ELL: variants seen among roughly 807,000 people sequenced by gnomAD.
ELL encodes elongation factor for RNA polymerase II, also known as RNA polymerase II elongation factor ELL.
Under a neutral mutation model 64.0 loss-of-function variants are expected in ELL, and 18 were observed. The ratio of observed to expected loss-of-function variants is 0.28; its 90% CI spans 0.19 to 0.42. ELL has a LOEUF of 0.42. ELL is among the 10% of genes least tolerant of loss of function. The probability of loss-of-function intolerance (pLI) is 1.00; values close to 1 mark genes in which losing one functional copy is unlikely to be tolerated. For missense variants in ELL, 797 were observed against 870.4 expected (o/e 0.92, Z 1.06); for synonymous variants, 399 against 376.2 (o/e 1.06, Z -0.70).
chr19:18,497,788 C>T (rs931606907), intron 1 of ELL, among the ~76,000 whole-genome samples: 3 of 136,842 alleles, frequency 2.2e-5, no homozygotes, highest in African/African-American at 8.7e-5. Flanking sequence ...CTGACTCCAG[C>T]CTAGGCAAAA....
chr19:18,516,428 A>AT (rs1383877571), intron 1 of ELL, among the ~76,000 whole-genome samples: 1 of 152,064 alleles, frequency 6.6e-6, no homozygotes, highest in Non-Finnish European at 1.5e-5. Context: ...CCTCACCATC[A>AT]TTAACGTTGA....
chr19:18,479,477 G>A (rs188926467), intron 1 of ELL, among the ~76,000 whole-genome samples: 3 of 152,282 alleles, frequency 2.0e-5, no homozygotes, highest in Non-Finnish European at 4.4e-5. Context: ...GGGAGGCTGA[G>A]GCAGGTGGAC....
chr19:18,459,834 G>A (rs1422530105), intron 5 of ELL, among the ~76,000 whole-genome samples: 1 of 152,162 alleles, frequency 6.6e-6, no homozygotes, highest in Non-Finnish European at 1.5e-5. Context: ...CCCATGGGGA[G>A]CATTTTTAAC....
At chr19:18,445,417 G>T (rs1472939541) in intron 10 of ELL, 149 bp from the exon 11 acceptor site, 1 of 806,520 alleles carries the variant, frequency 1.2e-6, no homozygotes, top group Non-Finnish European at 2.1e-6. Flanking sequence ...GGGGCCCACA[G>T]CGGCTGTAGC....
Position 18,456,058 on chromosome 19 carries a change from T to C in ELL, c.869+2147A>G, listed in dbSNP as rs535203542. ...GTTGCTGTGAGCCGAGATCGCGCCA[T>C]TGCACTCCAGCCTGGGCAACAAGAG... On this transcript the variant is annotated intron_variant, in intron 6 of 11. Coordinates refer to ENST00000262809, the MANE Select transcript of ELL (RefSeq NM_006532.4). Among the ~76,000 whole-genome samples, 9 of 150,986 alleles carry C rather than the reference T, an allele frequency of 6.0e-5. No homozygotes were observed. The South Asian group carries it at 8.4e-4, about 14-fold the overall frequency.
intron 6 of ELL, among the ~76,000 whole-genome samples, chr19:18,455,349 G>T (rs987993800): frequency 6.6e-6 from 1 of 151,052 alleles, no homozygotes; most frequent in African/African-American, 2.4e-5. Context: ...AAATTAGCCA[G>T]GCGTGGTGGC....
chr19:18,467,969 C>T (rs1405134640), intron 2 of ELL, among the ~76,000 whole-genome samples: 1 of 146,460 alleles, frequency 6.8e-6, no homozygotes, highest in African/African-American at 2.5e-5. Flanking sequence ...ATACAACCAC[C>T]CCGACAGCAC....
Position 18,443,294 on chromosome 19 carries a change from G to C in ELL, c.*1458C>G, listed in dbSNP as rs1305591338. 4.3e-6 allele frequency: 1 copy of C among 233,196 alleles called. No individual in the cohort carries two copies. The highest frequency in any genetic ancestry group is 8.5e-6 in the Non-Finnish European group (1 of 117,894). The allele number at this position is 233,196 out of a possible 1,614,324, so 14.4% of individuals were successfully genotyped here. On this transcript the variant is annotated 3_prime_UTR_variant, in exon 12 of 12. Transcript: ENST00000262809. ...GGGAACCCGGGGGTCCCAAAGGAGA[G>C]AGACTCTCGGGCAGGGGTGGGATAC... is the stretch of plus-strand genomic sequence containing the variant.
rs1245295345 is a variant in ELL at position 18,444,631 on chromosome 19, T to A, written c.*121A>T. Reference sequence around the variant, plus strand: ...GGCCAGACGTCTGCAGGGGCTGCCCTGAAAGCCGGCGGTGCTGGCTCAGAT... The same window carrying A: ...GGCCAGACGTCTGCAGGGGCTGCCCAGAAAGCCGGCGGTGCTGGCTCAGAT... On this transcript the variant is annotated 3_prime_UTR_variant, in exon 12 of 12. Transcript: ENST00000262809. 2 of 1,155,062 alleles carry A rather than the reference T, an allele frequency of 1.7e-6. No individual in the cohort carries two copies. Among genetic ancestry groups the A allele is most frequent in the African/African-American group, 1.6e-5 (1 of 64,216 alleles). The allele number at this position is 1,155,062 out of a possible 1,614,324, so 71.6% of individuals were successfully genotyped here.
At chr19:18,520,860 C>A (rs1321925203) in intron 1 of ELL, among the ~76,000 whole-genome samples, 5 of 151,920 alleles carry the variant, frequency 3.3e-5, no homozygotes, top group Non-Finnish European at 7.4e-5. Context: ...GGTTCCTAAA[C>A]CACTTCCCCT....
rs1974723152 is a variant in ELL at position 18,458,230 on chromosome 19, G to C, written c.844C>G (p.Gln282Glu). The change falls in exon 6 of 12, where the codon CAG becomes GAG. Residue 282 changes from glutamine (Q) to glutamate (E), a missense_variant. Gln to Glu is a conservative substitution (Grantham distance 29). Transcript: ENST00000262809. ...DWPGYSEGDQ[Q>E]LLKRVLVRKL... The stretch of plus-strand genomic sequence containing the variant: ...CGGACGAGCACCCGCTTCAGCAGCT[G>C]CTGGTCCCCCTCCGAGTAGCCAGGC... 3 of 1,611,700 alleles carry C rather than the reference G, an allele frequency of 1.9e-6. No homozygotes were observed. Among genetic ancestry groups the C allele is most frequent in the Admixed American group, 3.3e-5 (2 of 60,026 alleles).
chr19:18,463,657 T>C (rs889091494), intron 4 of ELL, among the ~76,000 whole-genome samples: 1 of 151,806 alleles, frequency 6.6e-6, no homozygotes, highest in Non-Finnish European at 1.5e-5. Context: ...ACAGACAGCG[T>C]CCCCTACCAG....
At chr19:18,479,372 A>G (rs550508356) in intron 1 of ELL, among the ~76,000 whole-genome samples, 7 of 152,324 alleles carry the variant, frequency 4.6e-5, no homozygotes, top group African/African-American at 1.7e-4. Context: ...TCCCTTCAAC[A>G]AATATAAAAT....
At chr19:18,453,539 A>G (rs1974586818) in intron 6 of ELL, among the ~76,000 whole-genome samples, 1 of 152,094 alleles carries the variant, frequency 6.6e-6, no homozygotes, top group African/African-American at 2.4e-5. Context: ...ACAACGAGAT[A>G]CCACTTCACA....
intron 4 of ELL, among the ~76,000 whole-genome samples, chr19:18,463,398 A>G (rs1429922339): frequency 6.9e-6 from 1 of 145,388 alleles, no homozygotes; most frequent in Non-Finnish European, 1.5e-5. Flanking sequence ...GCAATGGCAC[A>G]ATCTCAGCTC....
chr19:18,479,690 C>A (rs950247862), intron 1 of ELL, among the ~76,000 whole-genome samples: 4 of 123,736 alleles, frequency 3.2e-5, no homozygotes, highest in African/African-American at 1.4e-4. Context: ...GCCTGCACGA[C>A]AGAGTGAGAC....
chr19:18,470,987 T>C (rs963570393), intron 2 of ELL: 5 of 456,444 alleles, frequency 1.1e-5, no homozygotes, highest in African/African-American at 4.0e-5. Flanking sequence ...TGGAAGCCCA[T>C]GGATCATCAT....
intron 10 of ELL, 147 bp from the exon 11 acceptor site, chr19:18,445,415 C>A: frequency 1.2e-6 from 1 of 833,948 alleles, no homozygotes; most frequent in Non-Finnish European, 2.0e-6. Context: ...CAGGGGCCCA[C>A]AGCGGCTGTA....
rs148184174 is a variant in ELL, at chr19:18,458,624, A to G, written c.745-295T>C. On this transcript the variant is annotated intron_variant, in intron 5 of 11. Coordinates refer to ENST00000262809, the MANE Select transcript of ELL (RefSeq NM_006532.4). ...TGGCTCCAAAAAGGGGAGGGCTACC[A>G]CCTGCAGTACTGAGACCCCATCACC... 2.6e-3 allele frequency among the ~76,000 whole-genome samples: 402 copies of G among 152,156 alleles called. 5 individuals carry two copies. Among genetic ancestry groups the G allele is most frequent in the Middle Eastern group, 0.02 (6 of 294 alleles).
Sources: gnomAD v4.1 joint callset for allele counts (sites outside exome capture counted in the v4.1 genomes callset) on GRCh38, gnomAD v4.1.1 for gene constraint, MANE v1.5 for transcripts, NCBI Gene and HGNC (gene_info 2026-07-23, HGNC 2026-07-21) for gene names.